TRMT44: variants seen among roughly 807,000 people sequenced by gnomAD.
TRMT44 encodes the protein tRNA methyltransferase 44 homolog.
In TRMT44, 78 loss-of-function variants were observed where a neutral mutation model predicts 77.3. The observed-to-expected ratio is 1.01, with a 90% confidence interval of 0.84 to 1.22. TRMT44 has a LOEUF of 1.22. Ranked by LOEUF, TRMT44 falls within the 50% of genes most tolerant of loss-of-function variation. The pLI is 0.00. For missense variants in TRMT44, 1,090 were observed against 964.4 expected, an observed-to-expected ratio of 1.13 and a Z score of -1.73; for synonymous variants, 391 against 383.3, an observed-to-expected ratio of 1.02 and a Z score of -0.23.
Position 8,467,927 on chromosome 4 carries a change from G to GA in TRMT44, c.1512dup (p.Ser505IlefsTer14), listed in dbSNP as rs867276424. On this transcript the variant is annotated frameshift_variant, in exon 9 of 11. Transcript: ENST00000389737. LOFTEE classifies it high-confidence loss of function. ...CTTCAAACGCAGGTCTGTCTCGTTG[G>GA]AAAATCCAGAACATACCCTTCCTCC... 1.2e-6 allele frequency: 2 copies of GA among 1,601,726 alleles called. No homozygotes were observed. The highest frequency in any genetic ancestry group is 2.7e-5 in the African/African-American group (2 of 74,588).
chr4:8,491,313 A>T (rs982365478), intron 2 of TRMT44, among the ~76,000 whole-genome samples: 2 of 152,240 alleles, frequency 1.3e-5, no homozygotes, highest in African/African-American at 4.8e-5. Flanking sequence ...GACTCTCCAC[A>T]TCCCCACCAG....
chr4:8,459,036 TA>T (rs879600636), intron 6 of TRMT44, among the ~76,000 whole-genome samples: 624 of 131,334 alleles, frequency 4.8e-3, no homozygotes, highest in Admixed American at 5.0e-3. Flanking sequence ...CCATCTCTAC[TA>T]AAAAAAAAAA....
At chr4:8,507,067 G>T in the TRMT44 span, 5 of 152,372 alleles carry the variant, frequency 3.3e-5, no homozygotes, top group African/African-American at 1.2e-4. Flanking sequence ...ACCACAGCAG[G>T]TTCCCACCTG....
chr4:8,503,845 G>A, the TRMT44 span, among the ~76,000 whole-genome samples: 3 of 152,312 alleles, frequency 2.0e-5, no homozygotes, highest in South Asian at 2.1e-4. Flanking sequence ...TTGGAGTTCC[G>A]GAAGGCTCTG....
At position 8,446,478 on chromosome 4, in the gene TRMT44, G is replaced by A; in HGVS notation, c.622G>A (p.Val208Ile). 3 of 1,531,312 alleles carry A rather than the reference G, an allele frequency of 2.0e-6. No homozygotes were observed. The highest frequency in any genetic ancestry group is 2.6e-6 in the Non-Finnish European group (3 of 1,142,452). The allele number at this position is 1,531,312 out of a possible 1,614,324, so 94.9% of individuals were successfully genotyped here. A position where few individuals can be genotyped will look rare whatever the true frequency, so the allele number is the denominator to read the frequency against. Residue 208 changes from valine (V) to isoleucine (I), a missense_variant and splice_region_variant, in exon 2 of 11, where the codon GTC (valine) becomes ATC (isoleucine). By Grantham distance (29) the Val-to-Ile change is conservative (BLOSUM62 3). Transcript: ENST00000389737. This position sits in a 1 kb window ranked among gnomAD's most constrained non-coding sequence, Gnocchi z 4.3. ...CCTTCTTCTCTTTTTCTTTCCAGATGTCCTCAATGGAACCATAACGTTTTT... is the reference window on the plus strand; with the variant it reads ...CCTTCTTCTCTTTTTCTTTCCAGATATCCTCAATGGAACCATAACGTTTTT... ...TPRREIVVQD[V>I]LNGTITFLPL... is the part of the protein sequence containing the mutation.
chr4:8,467,944 C>T lies in TRMT44; in HGVS notation c.1525C>T (p.Pro509Ser), dbSNP rs756105701. The change falls in exon 9 of 11, where the codon CCT (proline) becomes TCT (serine). Residue 509 changes from proline (P) to serine (S), a missense_variant. Transcript: ENST00000389737. ...TCTCGTTGGAAAATCCAGAACATAC[C>T]CTTCCTCCAGAGAAGCTTCCGTGGA... is the stretch of plus-strand genomic sequence containing the variant. ...VCLVGKSRTYPSSREASVDEK... is the reference protein window; with the variant it reads ...VCLVGKSRTYSSSREASVDEK... The T allele has an allele frequency of 7.4e-6, 12 of 1,612,728 alleles. No homozygotes were observed. In the South Asian group the frequency reaches 1.2e-4, roughly 16 times the overall value.
At chr4:8,502,816 C>T in the TRMT44 span, among the ~76,000 whole-genome samples, 20 of 152,306 alleles carry the variant, frequency 1.3e-4, no homozygotes, top group African/African-American at 2.2e-4. Context: ...TCCCAGATCC[C>T]GCTTACACTC....
At chr4:8,443,807 A>C (rs1217506097) in intron 1 of TRMT44, among the ~76,000 whole-genome samples, 1 of 152,106 alleles carries the variant, frequency 6.6e-6, no homozygotes, top group African/African-American at 2.4e-5. Flanking sequence ...AAAAATACAA[A>C]AAATTAGCCA....
chr4:8,487,944 G>A (rs372526355), intron 2 of TRMT44, among the ~76,000 whole-genome samples: 5 of 152,142 alleles, frequency 3.3e-5, no homozygotes, highest in South Asian at 2.1e-4. Flanking sequence ...GACCGGCGCC[G>A]GAGTTTTGGA....
rs1369140649 is a variant in TRMT44 at position 8,475,975 on chromosome 4, A to G, written c.2248A>G (p.Thr750Ala). ...HGPAELRPPR[T>A]TPRKKIS ...GCCTGCGGAGCTGCGGCCACCCCGGACCACCCCGAGGAAGAAGATTTCATG... is the reference window on the plus strand; with the variant it reads ...GCCTGCGGAGCTGCGGCCACCCCGGGCCACCCCGAGGAAGAAGATTTCATG... Residue 750 changes from threonine to alanine, a missense_variant, in exon 11 of 11, where the codon ACC becomes GCC. Transcript: ENST00000389737. 1.2e-6 allele frequency: 2 copies of G among 1,613,920 alleles called. No homozygotes were observed. Among genetic ancestry groups the G allele is most frequent in the Non-Finnish European group, 1.7e-6 (2 of 1,180,016 alleles).
intron 2 of TRMT44, among the ~76,000 whole-genome samples, chr4:8,483,482 C>T (rs984479873): frequency 5.3e-5 from 8 of 152,024 alleles, no homozygotes; most frequent in South Asian, 2.1e-4. Flanking sequence ...TAAAAAGGAG[C>T]GTCTATACAG....
chr4:8,449,002 A>C (rs558443824), intron 2 of TRMT44, among the ~76,000 whole-genome samples: 2 of 152,328 alleles, frequency 1.3e-5, no homozygotes, highest in Non-Finnish European at 2.9e-5. Flanking sequence ...CCCCAAACGC[A>C]GCCCTTGGAC....
At chr4:8,465,342 G>T (rs778043950) in intron 7 of TRMT44, 36 bp from the exon 8 acceptor site, 1 of 1,577,994 alleles carries the variant, frequency 6.3e-7, no homozygotes, top group East Asian at 2.2e-5. Flanking sequence ...GTCTGCTCAG[G>T]ATGCTTGACC....
At chr4:8,488,456 G>C (rs908627625) in intron 2 of TRMT44, among the ~76,000 whole-genome samples, 3 of 152,226 alleles carry the variant, frequency 2.0e-5, no homozygotes, top group African/African-American at 7.2e-5. Context: ...GGACAGGAGT[G>C]GGGGTCGCAA....
chr4:8,502,053 T>A, the TRMT44 span, among the ~76,000 whole-genome samples: 1 of 152,222 alleles, frequency 6.6e-6, no homozygotes, highest in Non-Finnish European at 1.5e-5. Context: ...GGGCTATTGA[T>A]TGTTTTGTTC....
chr4:8,443,109 C>T (rs1447864091), intron 1 of TRMT44, among the ~76,000 whole-genome samples: 1 of 152,218 alleles, frequency 6.6e-6, no homozygotes, highest in African/African-American at 2.4e-5. Flanking sequence ...TACTGTCTGC[C>T]TCTGTGCCTT....
At chr4:8,464,977 T>C (rs1346687837) in intron 7 of TRMT44, among the ~76,000 whole-genome samples, 2 of 152,138 alleles carry the variant, frequency 1.3e-5, no homozygotes, top group Non-Finnish European at 2.9e-5. Flanking sequence ...AAAAACGAAA[T>C]GCCGCATGTT....
intron 1 of TRMT44, among the ~76,000 whole-genome samples, chr4:8,445,267 C>T (rs889494808): frequency 6.6e-6 from 1 of 152,250 alleles, no homozygotes; most frequent in Non-Finnish European, 1.5e-5. Flanking sequence ...GCTGGGACAA[C>T]AGGCATGGGC....
intron 1 of TRMT44, among the ~76,000 whole-genome samples, chr4:8,445,300 GT>G (rs750090107): frequency 3.9e-5 from 6 of 152,220 alleles, no homozygotes; most frequent in Non-Finnish European, 7.3e-5. Context: ...TCCTGTTGCA[GT>G]TTTTAAATGA....
Sources: gnomAD v4.1 joint callset for allele counts (sites outside exome capture counted in the v4.1 genomes callset) on GRCh38, gnomAD v4.1.1 for gene constraint, Gnocchi (gnomAD v3.1) non-coding constraint, MANE v1.5 for transcripts, NCBI Gene and HGNC (gene_info 2026-07-23, HGNC 2026-07-21) for gene names.